The following COL9A3 variants were observed in gnomAD, a reference collection of about 807,000 sequenced individuals.
COL9A3 encodes the protein collagen alpha-3(IX) chain.
COL9A3 carries 82 observed loss-of-function variants against 110.2 expected under a neutral mutation model. The ratio of observed to expected loss-of-function variants is 0.74; its 90% CI spans 0.62 to 0.89. The LOEUF is 0.89. Ranked by LOEUF, COL9A3 falls within the 40% of genes least tolerant of loss-of-function variation. COL9A3 has a pLI of 0.00. For missense variants in COL9A3, 1,066 were observed against 981.3 expected (o/e 1.09, Z -1.15); for synonymous variants, 494 against 403.8 (o/e 1.22, Z -2.68).
intron 25 of COL9A3, among the ~76,000 whole-genome samples, chr20:62,832,394 C>T (rs1262414654): frequency 6.6e-6 from 1 of 152,258 alleles, no homozygotes; most frequent in African/African-American, 2.4e-5. Flanking sequence ...ACCCAGCCCC[C>T]AGGCACGCCC....
intron 30 of COL9A3, 121 bp downstream of exon 30, chr20:62,837,386 G>A: frequency 9.4e-7 from 1 of 1,063,944 alleles, no homozygotes; most frequent in South Asian, 1.3e-5. Context: ...GGAACGTGGG[G>A]GCCTCTCATG....
At chr20:62,816,758 A>G (rs970756874), upstream of COL9A3, among the ~76,000 whole-genome samples, 1 of 152,112 alleles carries the variant, frequency 6.6e-6, no homozygotes, top group Non-Finnish European at 1.5e-5. Flanking sequence ...GTTGAGGAGC[A>G]AGGAGAGAAA....
rs766739371 is a variant in COL9A3, at chr20:62,830,375, C to A, written c.1177C>A (p.Gln393Lys). The A allele has an allele frequency of 9.5e-6, 15 of 1,573,596 alleles. No homozygotes were observed. In the South Asian group the frequency reaches 1.6e-4, roughly 17 times the overall value. Residue 393 changes from glutamine (Q) to lysine (K), a missense_variant, in exon 23 of 32, where the codon CAA (glutamine) becomes AAA (lysine). By Grantham distance (53) the Gln-to-Lys change is moderately conservative. Transcript: ENST00000649368. The stretch of plus-strand genomic sequence containing the variant: ...TGTCTTCCAGGGGGCCCTCGGCCCA[C>A]AAGGCCCTCCCGGAGCCCCTGGTGT... ...HRGSAGALGPQGPPGAPGVRG... is the reference protein window; with the variant it reads ...HRGSAGALGPKGPPGAPGVRG...
chr20:62,827,720 G>A (rs2063565148), intron 16 of COL9A3, among the ~76,000 whole-genome samples: 2 of 152,222 alleles, frequency 1.3e-5, no homozygotes, highest in Admixed American at 1.3e-4. Context: ...CCGGAGTGCA[G>A]GGAGCCGCCG....
chr20:62,829,896 C>G (rs1280024642), intron 22 of COL9A3, 77 bp downstream of exon 22: 1 of 1,506,632 alleles, frequency 6.6e-7, no homozygotes, highest in Non-Finnish European at 8.9e-7. Context: ...CTGAGCAGGC[C>G]GGGGTGGCAT....
chr20:62,819,449 C>T (rs1991048531), intron 4 of COL9A3, among the ~76,000 whole-genome samples, 156 bp downstream of exon 4: 1 of 152,236 alleles, frequency 6.6e-6, no homozygotes, highest in Middle Eastern at 3.2e-3. Context: ...GTCCTTTGGC[C>T]TTCATCCCAG....
chr20:62,822,922 A>G (rs989123285), intron 10 of COL9A3, among the ~76,000 whole-genome samples: 2 of 152,234 alleles, frequency 1.3e-5, no homozygotes, highest in Non-Finnish European at 2.9e-5. Context: ...ATCATGTCAC[A>G]GAGCCATCCA....
chr20:62,830,358 AG>A lies in COL9A3; in HGVS notation c.1165del. On this transcript the variant is annotated splice_acceptor_variant, in intron 22 of 31. Transcript: ENST00000649368. LOFTEE classifies it high-confidence loss of function. ...CGCTCACACCTCACCTTTGTCTTCCAGGGGGCCCTCGGCCCACAAGGCCCTC... is the reference window on the plus strand; with the variant it reads ...CGCTCACACCTCACCTTTGTCTTCCAGGGGCCCTCGGCCCACAAGGCCCTC... 2 of 1,570,864 alleles carry A rather than the reference AG, an allele frequency of 1.3e-6. No homozygotes were observed. The highest frequency in any genetic ancestry group is 1.8e-5 in the Admixed American group (1 of 54,096).
chr20:62,819,900 C>T, intron 4 of COL9A3, 29 bp from the exon 5 acceptor site: 1 of 1,612,482 alleles, frequency 6.2e-7, no homozygotes. Context: ...CCATGTGGCC[C>T]CTCGAGCTCG....
chr20:62,825,056 GGGACTGGAGGCT>G, intron 12 of COL9A3, 35 bp downstream of exon 12: 1 of 1,588,630 alleles, frequency 6.3e-7, no homozygotes, highest in South Asian at 1.1e-5. Flanking sequence ...GGAGGAGCTG[GGGACTGGAGGCT>G]GGGCTCCGGC....
intron 26 of COL9A3, among the ~76,000 whole-genome samples, chr20:62,833,940 C>T (rs1245041343): frequency 1.3e-5 from 2 of 151,982 alleles, no homozygotes; most frequent in African/African-American, 4.8e-5. Context: ...AGTGCAGTGA[C>T]GCCATCTCGG....
At chr20:62,820,563 GCCCTTGGGA>G (rs573887263) in intron 5 of COL9A3, among the ~76,000 whole-genome samples, 1 of 152,232 alleles carries the variant, frequency 6.6e-6, no homozygotes, top group Admixed American at 6.5e-5. Flanking sequence ...ACACAGCCCT[GCCCTTGGGA>G]CCCTTGGGAG....
intron 2 of COL9A3, 41 bp from the exon 3 acceptor site, chr20:62,818,477 C>T (rs748496265): frequency 6.2e-7 from 1 of 1,601,068 alleles, no homozygotes; most frequent in Non-Finnish European, 8.6e-7. Flanking sequence ...CTTGAGGGAC[C>T]CCTGATTTTC....
rs1167334068 is a variant in COL9A3, at chr20:62,833,069, GTAAT to G, written c.1368+8_1368+11del. 2.5e-6 allele frequency: 4 copies of G among 1,612,030 alleles called. No homozygotes were observed. ...CCTGGGGATAAAGGAGAACTGGTGAGTAATTAGGTAACCTCACTGTTACCAACAG... is the reference window on the plus strand; with the variant it reads ...CCTGGGGATAAAGGAGAACTGGTGAGTAGGTAACCTCACTGTTACCAACAG... On this transcript the variant is annotated splice_donor_region_variant and intron_variant, in intron 26 of 31. Coordinates refer to ENST00000649368, the MANE Select transcript of COL9A3 (RefSeq NM_001853.4).
chr20:62,825,849 C>A lies in COL9A3; in HGVS notation c.663C>A (p.Leu221=), dbSNP rs996170616. The change falls in exon 13 of 32, where the codon CTC becomes CTA. Residue 221 remains leucine, a synonymous_variant. Coordinates refer to ENST00000649368, the MANE Select transcript of COL9A3 (RefSeq NM_001853.4). ...GDPGPPGPAG[L]PGSVGLQGPR... is the part of the protein sequence containing the mutation. ...CTGGCCCCCCTGGGCCCGCCGGCCT[C>A]CCGGGCAGCGTGGGGCTGCAGGTGA... The A allele has an allele frequency of 6.4e-7, 1 of 1,559,088 alleles. No homozygotes were observed. Among genetic ancestry groups the A allele is most frequent in the Non-Finnish European group, 8.7e-7 (1 of 1,151,326 alleles).
At chr20:62,820,330 GCAGAGT>G (rs1437147258) in intron 5 of COL9A3, among the ~76,000 whole-genome samples, 1 of 152,144 alleles carries the variant, frequency 6.6e-6, no homozygotes, top group Non-Finnish European at 1.5e-5. Context: ...CACGCAGCCT[GCAGAGT>G]CCCCTGTGCC....
rs144216578 is a variant in COL9A3 at position 62,837,228 on chromosome 20, C to T, written c.1749C>T (p.Arg583=). ...HPGARGPPGY[R]GPTGELGDPG... The stretch of plus-strand genomic sequence containing the variant: ...GCGCTCGAGGACCCCCTGGATACCG[C>T]GGTCCCACTGGGGAGCTGGGAGACC... Residue 583 remains arginine, a synonymous_variant, in exon 30 of 32, where the codon CGC becomes CGT. Transcript: ENST00000649368. 6.5e-4 allele frequency: 1,049 copies of T among 1,611,758 alleles called. No individual in the cohort carries two copies. The highest frequency in any genetic ancestry group is 8.2e-4 in the Non-Finnish European group (964 of 1,179,778).
Position 62,817,929 on chromosome 20 carries a change from G to T in COL9A3, c.147+294G>T, listed in dbSNP as rs1050611234. 5.9e-6 allele frequency: 3 copies of T among 512,140 alleles called. No homozygotes were observed. The Admixed American group carries it at 9.1e-5, about 16-fold the overall frequency. The allele number at this position is 512,140 out of a possible 1,614,324, so 31.7% of individuals were successfully genotyped here. A position where few individuals can be genotyped will look rare whatever the true frequency, so the allele number is the denominator to read the frequency against. ...CCCTGTGTTCGGGGTTCTGGCCTCT[G>T]GCTGAAGTGGGGAGAGGCACGTCCT... On this transcript the variant is annotated intron_variant, in intron 2 of 31. Coordinates refer to ENST00000649368, the MANE Select transcript of COL9A3 (RefSeq NM_001853.4).
chr20:62,838,648 C>G, intron 30 of COL9A3, 36 bp from the exon 31 acceptor site: 2 of 1,534,664 alleles, frequency 1.3e-6, no homozygotes, highest in Non-Finnish European at 1.8e-6. Context: ...GCAACAGATA[C>G]TCTAACCATA....
Sources: allele counts gnomAD v4.1 joint callset (sites outside exome capture counted in the v4.1 genomes callset), GRCh38; gene constraint gnomAD v4.1.1; transcripts MANE v1.5; gene names NCBI Gene and HGNC (gene_info 2026-07-23, HGNC 2026-07-21).